SYT16: variants seen among roughly 807,000 people sequenced by gnomAD.
SYT16 encodes synaptotagmin-16.
Under a neutral mutation model 61.4 loss-of-function variants are expected in SYT16, and 42 were observed. The observed-to-expected ratio is 0.68, with a 90% CI of 0.53 to 0.89. SYT16 has a LOEUF of 0.89. SYT16 is among the 40% of genes least tolerant of loss of function. The pLI, the probability that SYT16 is intolerant of heterozygous loss-of-function variation, is 0.00. For missense variants in SYT16, 804 were observed against 807.3 expected, an observed-to-expected ratio of 1.00 and a Z score of 0.05; for synonymous variants, 314 against 302.3, an observed-to-expected ratio of 1.04 and a Z score of -0.40.
chr14:61,812,799 T>C lies in SYT16; in HGVS notation c.-336T>C, dbSNP rs1184891705. On this transcript the variant is annotated 5_prime_UTR_variant, in exon 1 of 8. The change abolishes an upstream ATG in the 5' untranslated region. Transcript: ENST00000683842. ...GTCGGGCAGCCCCCTCGTCCGACCA[T>C]GGCGACTGACAGTGAGTGCGCTCCG... 1 of 151,338 alleles carries C rather than the reference T, an allele frequency of 6.6e-6. No individual in the cohort carries two copies. The highest frequency in any genetic ancestry group is 1.5e-5 in the Non-Finnish European group (1 of 67,846). 9.4% of individuals were successfully genotyped at this position (151,338 alleles called of 1,614,324 possible). A position where few individuals can be genotyped will look rare whatever the true frequency, so the allele number is the denominator to read the frequency against.
At chr14:61,966,950 A>T (rs1466202899) in intron 1 of SYT16, among the ~76,000 whole-genome samples, 1 of 152,254 alleles carries the variant, frequency 6.6e-6, no homozygotes, top group Non-Finnish European at 1.5e-5. Flanking sequence ...AGCTGCTGAG[A>T]GTACAATGAG....
chr14:62,025,556 G>T (rs1370999385), intron 3 of SYT16, among the ~76,000 whole-genome samples: 2 of 151,980 alleles, frequency 1.3e-5, no homozygotes, highest in East Asian at 3.8e-4. Flanking sequence ...ATGTCTTATG[G>T]TTCTCTTGAC....
At chr14:62,082,292 A>C (rs924023046) in intron 6 of SYT16, among the ~76,000 whole-genome samples, 3 of 152,156 alleles carry the variant, frequency 2.0e-5, no homozygotes, top group Non-Finnish European at 2.9e-5. Context: ...GTCTGCTTAA[A>C]TGTCCAATGA....
chr14:62,106,173 G>C lies in SYT16; in HGVS notation c.*5466G>C, dbSNP rs945682232. 1.3e-5 allele frequency: 2 copies of C among 152,134 alleles called. No homozygotes were observed. Among genetic ancestry groups the C allele is most frequent in the African/African-American group, 2.4e-5 (1 of 41,404 alleles). The allele number at this position is 152,134 out of a possible 1,614,324, so 9.4% of individuals were successfully genotyped here. A position where few individuals can be genotyped will look rare whatever the true frequency, so the allele number is the denominator to read the frequency against. On this transcript the variant is annotated 3_prime_UTR_variant, in exon 8 of 8. Transcript: ENST00000683842. ...TCATTGTCTAGTACTATGCTATCTGGGCTGGCACAGAACTTAAAATCTCTT... is the reference window on the plus strand; with the variant it reads ...TCATTGTCTAGTACTATGCTATCTGCGCTGGCACAGAACTTAAAATCTCTT...
Position 62,109,932 on chromosome 14 carries a change from A to G in SYT16, c.*9225A>G, listed in dbSNP as rs2057578565. 1 of 152,190 alleles carries G rather than the reference A, an allele frequency of 6.6e-6. No individual in the cohort carries two copies. The highest frequency in any genetic ancestry group is 2.1e-4 in the South Asian group (1 of 4,834). The allele number at this position is 152,190 out of a possible 1,614,324, so 9.4% of individuals were successfully genotyped here. A position where few individuals can be genotyped will look rare whatever the true frequency, so the allele number is the denominator to read the frequency against. Reference sequence around the variant, plus strand: ...CATCTGGCTCACACAGCAGCTCTGAATTCTGAATGAAAAGATAACCCATGC... The same window carrying G: ...CATCTGGCTCACACAGCAGCTCTGAGTTCTGAATGAAAAGATAACCCATGC... On this transcript the variant is annotated 3_prime_UTR_variant, in exon 8 of 8. Transcript: ENST00000683842.
At chr14:61,873,056 A>G (rs1331475969) in intron 1 of SYT16, among the ~76,000 whole-genome samples, 1 of 152,204 alleles carries the variant, frequency 6.6e-6, no homozygotes, top group Non-Finnish European at 1.5e-5. Context: ...ATGAAAGGCA[A>G]TCATTTGTTA....
In SYT16 at chr14:62,107,027, G is replaced by A. The variant is rs1339595680; in HGVS notation, c.*6320G>A. 4.0e-5 allele frequency: 6 copies of A among 151,628 alleles called. No individual in the cohort carries two copies. Among genetic ancestry groups the A allele is most frequent in the Non-Finnish European group, 8.8e-5 (6 of 67,968 alleles). 9.4% of individuals were successfully genotyped at this position (151,628 alleles called of 1,614,324 possible). On this transcript the variant is annotated 3_prime_UTR_variant, in exon 8 of 8. Coordinates refer to ENST00000683842, the MANE Select transcript of SYT16 (RefSeq NM_001367656.1). ...TTACCTTGAGGATGATGAGAAGGCT[G>A]ACTTCCTATTGTATTGCCATATTTA... is the stretch of plus-strand genomic sequence containing the variant.
At chr14:61,977,586 T>A (rs1389690084) in intron 2 of SYT16, among the ~76,000 whole-genome samples, 1 of 152,108 alleles carries the variant, frequency 6.6e-6, no homozygotes, top group Non-Finnish European at 1.5e-5. Flanking sequence ...ACCCCCATGT[T>A]TCAGTTACCT....
intron 1 of SYT16, among the ~76,000 whole-genome samples, chr14:61,909,660 A>G (rs2048853151): frequency 6.6e-6 from 1 of 152,228 alleles, no homozygotes; most frequent in African/African-American, 2.4e-5. Flanking sequence ...TCATAGTCAC[A>G]GGTTATGAGT....
intron 1 of SYT16, among the ~76,000 whole-genome samples, chr14:61,960,399 A>T (rs1004166135): frequency 2.6e-5 from 4 of 152,192 alleles, no homozygotes; most frequent in African/African-American, 9.6e-5. Flanking sequence ...TGTAGTTCTC[A>T]TAGTAGAGAT....
intron 1 of SYT16, among the ~76,000 whole-genome samples, chr14:61,888,769 TAAA>T (rs35694977): frequency 1.2e-4 from 13 of 104,290 alleles, no homozygotes; most frequent in Non-Finnish European, 2.1e-4. Flanking sequence ...CTTCAATTTG[TAAA>T]AAAAAAAAAA....
intron 1 of SYT16, among the ~76,000 whole-genome samples, chr14:61,858,140 A>AAAAG (rs1327508898): frequency 1.3e-5 from 2 of 148,300 alleles, no homozygotes; most frequent in Admixed American, 6.7e-5. Flanking sequence ...AAAAAAAAAA[A>AAAAG]AAAGAAAGAA....
chr14:61,818,499 G>T (rs1024741375), intron 1 of SYT16, among the ~76,000 whole-genome samples: 7 of 152,082 alleles, frequency 4.6e-5, no homozygotes, highest in Non-Finnish European at 1.0e-4. Flanking sequence ...TCAACATGGT[G>T]AAACCCCATC....
At chr14:61,931,932 C>T (rs1451530211) in intron 1 of SYT16, among the ~76,000 whole-genome samples, 1 of 152,114 alleles carries the variant, frequency 6.6e-6, no homozygotes, top group Non-Finnish European at 1.5e-5. Context: ...AGAAAACTGC[C>T]CTGAAGGAGA....
intron 1 of SYT16, among the ~76,000 whole-genome samples, chr14:61,816,512 T>C (rs1276650800): frequency 6.6e-6 from 1 of 152,136 alleles, no homozygotes; most frequent in African/African-American, 2.4e-5. Context: ...CTAAAAAATA[T>C]AGACAAAGAG....
intron 3 of SYT16, among the ~76,000 whole-genome samples, chr14:62,053,508 T>C (rs575342485): frequency 6.6e-6 from 1 of 152,246 alleles, no homozygotes; most frequent in Non-Finnish European, 1.5e-5. Flanking sequence ...TCATCTCTTA[T>C]AACAAATCTT....
chr14:61,856,052 T>C (rs1055795985), intron 1 of SYT16, among the ~76,000 whole-genome samples: 4 of 151,914 alleles, frequency 2.6e-5, no homozygotes, highest in African/African-American at 9.7e-5. Flanking sequence ...TGGCGGGGGG[T>C]CAGTCCACCT....
intron 3 of SYT16, among the ~76,000 whole-genome samples, chr14:62,044,215 T>C (rs1321070479): frequency 6.8e-6 from 1 of 146,724 alleles, no homozygotes; most frequent in Non-Finnish European, 1.5e-5. Flanking sequence ...AAAAAAAAAA[T>C]AGGAAACGAA....
At chr14:62,064,879 T>C (rs2055992903) in intron 3 of SYT16, among the ~76,000 whole-genome samples, 2 of 152,154 alleles carry the variant, frequency 1.3e-5, no homozygotes, top group South Asian at 4.1e-4. Flanking sequence ...GCATAAAGGA[T>C]TGCTTTTATT....
Sources: gnomAD v4.1 joint callset for allele counts (sites outside exome capture counted in the v4.1 genomes callset) on GRCh38, gnomAD v4.1.1 for gene constraint, MANE v1.5 for transcripts, NCBI Gene and HGNC (gene_info 2026-07-23, HGNC 2026-07-21) for gene names.